DPYD: variants seen among roughly 807,000 people sequenced by gnomAD.
DPYD encodes dihydropyrimidine dehydrogenase, also known as dihydropyrimidine dehydrogenase [NADP(+)].
In DPYD, 109 loss-of-function variants were observed where a neutral mutation model predicts 116.2. The observed-to-expected ratio is 0.94, with a 90% CI of 0.80 to 1.10. The LOEUF is 1.10. Among genes scored for constraint, DPYD ranks in the 50% least tolerant of loss-of-function variants. The pLI, the probability that DPYD is intolerant of heterozygous loss-of-function variation, is 0.00. For missense variants in DPYD, 1,302 were observed against 1,254.5 expected (o/e 1.04, Z -0.57); for synonymous variants, 440 against 432.0 (o/e 1.02, Z -0.23).
rs541265609 is a variant in DPYD at position 97,754,799 on chromosome 1, GTTTATC to G, written c.234-14326_234-14321del. 3.2e-3 allele frequency among the ~76,000 whole-genome samples: 487 copies of G among 152,220 alleles called. 5 individuals carry two copies. The highest frequency in any genetic ancestry group is 0.011 in the African/African-American group (446 of 41,538). On this transcript the variant is annotated intron_variant, in intron 3 of 22. Coordinates refer to ENST00000370192, the MANE Select transcript of DPYD (RefSeq NM_000110.4). ...AATAGAAAGATAAGAGATACAGGGTGTTTATCTTTTTCTTCAATTAAAACCCTAGTT... is the reference window on the plus strand; with the variant it reads ...AATAGAAAGATAAGAGATACAGGGTGTTTTTCTTCAATTAAAACCCTAGTT...
chr1:97,835,662 C>T (rs969326780), intron 2 of DPYD, among the ~76,000 whole-genome samples: 2 of 152,024 alleles, frequency 1.3e-5, no homozygotes, highest in Admixed American at 1.3e-4. Context: ...CGTTTGTTTG[C>T]ATAATGTATG....
intron 2 of DPYD, among the ~76,000 whole-genome samples, chr1:97,879,251 C>A (rs936487083): frequency 1.3e-5 from 2 of 151,900 alleles, no homozygotes; most frequent in Non-Finnish European, 2.9e-5. Flanking sequence ...TCTTAATATA[C>A]ATTATAGCTT....
intron 20 of DPYD, among the ~76,000 whole-genome samples, chr1:97,132,765 G>GT (rs1194465674): frequency 6.6e-6 from 1 of 151,966 alleles, no homozygotes; most frequent in Non-Finnish European, 1.5e-5. Context: ...TTGCTCCCAA[G>GT]TTTTTATAAT....
rs532283140 is a variant in DPYD at position 97,761,042 on chromosome 1, G to A, written c.234-20563C>T. On this transcript the variant is annotated intron_variant, in intron 3 of 22. Coordinates refer to ENST00000370192, the MANE Select transcript of DPYD (RefSeq NM_000110.4). ...TAAGGTGTAGGTCCAGCCACCCCTC[G>A]TGTGGTTTCCATAGATAAAACATCA... Among the ~76,000 whole-genome samples, 12 of 152,160 alleles carry A rather than the reference G, an allele frequency of 7.9e-5. No homozygotes were observed. In the South Asian group the frequency reaches 1.2e-3, roughly 16 times the overall value.
chr1:97,501,273 ACTT>A (rs767954054), intron 13 of DPYD, among the ~76,000 whole-genome samples: 2 of 152,108 alleles, frequency 1.3e-5, no homozygotes, highest in East Asian at 1.9e-4. Context: ...TATAGAGCCA[ACTT>A]CTTAATATGT....
At chr1:97,916,546 G>T (rs1674221812) in intron 1 of DPYD, among the ~76,000 whole-genome samples, 1 of 152,126 alleles carries the variant, frequency 6.6e-6, no homozygotes, top group African/African-American at 2.4e-5. Flanking sequence ...CTTCTAGAAT[G>T]TAACAAAGGA....
intron 20 of DPYD, among the ~76,000 whole-genome samples, chr1:97,143,808 C>T (rs559264224): frequency 1.1e-4 from 16 of 152,194 alleles, no homozygotes; most frequent in African/African-American, 3.6e-4. Context: ...TTCGTAAGGC[C>T]ATTTCTTATA....
intron 14 of DPYD, among the ~76,000 whole-genome samples, chr1:97,387,558 T>C (rs1367110722): frequency 2.6e-5 from 4 of 151,938 alleles, no homozygotes; most frequent in African/African-American, 9.7e-5. Flanking sequence ...TTTAGGAAGG[T>C]AGTAATAGAG....
chr1:97,870,393 C>A (rs776134802), intron 2 of DPYD, among the ~76,000 whole-genome samples: 3 of 151,294 alleles, frequency 2.0e-5, no homozygotes, highest in East Asian at 2.0e-4. Flanking sequence ...GGATCTTTAT[C>A]GTGTTATATA....
intron 11 of DPYD, among the ~76,000 whole-genome samples, chr1:97,555,633 C>T (rs2102109813): frequency 6.6e-6 from 1 of 152,266 alleles, no homozygotes; most frequent in South Asian, 2.1e-4. Flanking sequence ...CCTTGTCCCA[C>T]AATTCACAGA....
intron 1 of DPYD, among the ~76,000 whole-genome samples, chr1:97,900,691 T>C (rs560730497): frequency 1.8e-4 from 28 of 152,032 alleles, no homozygotes; most frequent in Middle Eastern, 3.4e-3. Flanking sequence ...ACTGACATAA[T>C]TTTTTTACAA....
chr1:97,476,323 A>T (rs1415854928), intron 13 of DPYD, among the ~76,000 whole-genome samples: 4 of 152,230 alleles, frequency 2.6e-5, no homozygotes, highest in Non-Finnish European at 5.9e-5. Flanking sequence ...TATATGTGTG[A>T]TTATAAAATG....
intron 12 of DPYD, among the ~76,000 whole-genome samples, chr1:97,538,995 G>A (rs972886690): frequency 6.6e-6 from 1 of 152,110 alleles, no homozygotes; most frequent in Non-Finnish European, 1.5e-5. Context: ...TTTTAATAAG[G>A]ATAAAGTTTG....
At chr1:97,874,663 T>C (rs1332217538) in intron 2 of DPYD, among the ~76,000 whole-genome samples, 1 of 151,944 alleles carries the variant, frequency 6.6e-6, no homozygotes, top group Non-Finnish European at 1.5e-5. Context: ...TTGCAGTTAC[T>C]AGGACTATTG....
At chr1:97,260,071 C>G (rs1395639253) in intron 18 of DPYD, among the ~76,000 whole-genome samples, 1 of 152,094 alleles carries the variant, frequency 6.6e-6, no homozygotes, top group Non-Finnish European at 1.5e-5. Context: ...CATCACTTCT[C>G]AAAAAGCGCT....
intron 3 of DPYD, among the ~76,000 whole-genome samples, chr1:97,792,267 T>A (rs918768638): frequency 1.3e-5 from 2 of 151,942 alleles, no homozygotes; most frequent in Non-Finnish European, 2.9e-5. Context: ...TGAGCTTTTA[T>A]TTTTTTATTT....
rs1352245708 is a variant in DPYD at position 97,734,157 on chromosome 1, T to TTGTAATTAAACTTATCCTTAAA, written c.321+6213_321+6234dup. Among the ~76,000 whole-genome samples the TTGTAATTAAACTTATCCTTAAA allele has an allele frequency of 1.7e-3, 255 of 152,232 alleles. 3 individuals are homozygous for TTGTAATTAAACTTATCCTTAAA. In the Middle Eastern group the frequency reaches 0.02, roughly 12 times the overall value. On this transcript the variant is annotated intron_variant, in intron 4 of 22. Coordinates refer to ENST00000370192, the MANE Select transcript of DPYD (RefSeq NM_000110.4). Reference sequence around the variant, plus strand: ...GTCCTCTCCCATATTTTATAGCTGCTTGTAATTAAACTTATCCTTAAATAT... The same window carrying TTGTAATTAAACTTATCCTTAAA: ...GTCCTCTCCCATATTTTATAGCTGCTTGTAATTAAACTTATCCTTAAATGTAATTAAACTTATCCTTAAATAT...
intron 4 of DPYD, among the ~76,000 whole-genome samples, chr1:97,725,659 A>C (rs1663212674): frequency 6.6e-6 from 1 of 151,550 alleles, no homozygotes; most frequent in Non-Finnish European, 1.5e-5. Context: ...ATGTTCAATT[A>C]ATTTTTGAAA....
In DPYD at chr1:97,081,150, A is replaced by T. The variant is rs78925931; in HGVS notation, c.2907+1180T>A. Among the ~76,000 whole-genome samples, 169 of 135,934 alleles carry T rather than the reference A, an allele frequency of 1.2e-3. No individual in the cohort carries two copies. In the East Asian group the frequency reaches 0.029, roughly 23 times the overall value. 89.2% of individuals were successfully genotyped at this position (135,934 alleles called of 152,430 possible). On this transcript the variant is annotated intron_variant, in intron 22 of 22. Coordinates refer to ENST00000370192, the MANE Select transcript of DPYD (RefSeq NM_000110.4). ...GAAGAAAAATTAATAGTTTTTTTTT[A>T]AATTAAAATATGTCTGTCATAAGAA...
Sources: allele counts gnomAD v4.1 joint callset (sites outside exome capture counted in the v4.1 genomes callset), GRCh38; gene constraint gnomAD v4.1.1; transcripts MANE v1.5; gene names NCBI Gene and HGNC (gene_info 2026-07-23, HGNC 2026-07-21).